The following ATG5 variants were observed in gnomAD, a reference collection of about 807,000 sequenced individuals.
ATG5 encodes autophagy protein 5.
A neutral mutation model predicts 36.5 loss-of-function variants in ATG5; 14 were observed. The observed-to-expected ratio is 0.38, with a 90% CI of 0.25 to 0.60. The LOEUF is 0.60. Ranked by LOEUF, ATG5 falls within the 20% of genes least tolerant of loss-of-function variation. ATG5 has a pLI of 0.60. For synonymous variants in ATG5, 95 were observed against 101.5 expected (o/e 0.94, Z 0.38); for missense variants, 195 against 326.7 (o/e 0.60, Z 3.11).
Position 106,316,216 on chromosome 6 carries a change from G to A in ATG5, c.-8C>T, listed in dbSNP as rs1347469468. 7 of 1,611,058 alleles carry A rather than the reference G, an allele frequency of 4.3e-6. No homozygotes were observed. Among genetic ancestry groups the A allele is most frequent in the Non-Finnish European group, 1.7e-6 (2 of 1,177,666 alleles). The stretch of plus-strand genomic sequence containing the variant: ...ATCTTTGTCATCTGTCATTCTTCCA[G>A]GAGTTAAAGCAGTACATACAGGCTA... On this transcript the variant is annotated 5_prime_UTR_variant, in exon 2 of 8. Transcript: ENST00000369076.
chr6:106,238,724 T>C (rs1377225524), intron 6 of ATG5, among the ~76,000 whole-genome samples: 3 of 152,234 alleles, frequency 2.0e-5, no homozygotes, highest in Non-Finnish European at 4.4e-5. Flanking sequence ...TTGATACCTT[T>C]GATACTGAGA....
intron 5 of ATG5, among the ~76,000 whole-genome samples, chr6:106,248,915 G>A (rs1582607999): frequency 6.6e-6 from 1 of 152,122 alleles, no homozygotes; most frequent in Non-Finnish European, 1.5e-5. Flanking sequence ...TCCAGCCTGG[G>A]CAACAAGAGC....
intron 4 of ATG5, among the ~76,000 whole-genome samples, chr6:106,286,242 C>A (rs1366615700): frequency 6.6e-6 from 1 of 152,196 alleles, no homozygotes; most frequent in Non-Finnish European, 1.5e-5. Context: ...CTCAGCTCAA[C>A]TGAACTTCTT....
chr6:106,228,660 C>T (rs962873521), intron 6 of ATG5, among the ~76,000 whole-genome samples: 1 of 152,122 alleles, frequency 6.6e-6, no homozygotes. Context: ...CACAAAGGGA[C>T]CTGAACCCGC....
At chr6:106,251,233 C>T (rs1442922545) in intron 5 of ATG5, among the ~76,000 whole-genome samples, 2 of 152,192 alleles carry the variant, frequency 1.3e-5, no homozygotes, top group African/African-American at 4.8e-5. Context: ...TTCCAGGTTG[C>T]CCTGACTGCC....
intron 5 of ATG5, among the ~76,000 whole-genome samples, chr6:106,249,596 T>C (rs892190059): frequency 1.1e-4 from 16 of 152,226 alleles, no homozygotes; most frequent in Non-Finnish European, 2.9e-5. Context: ...TTCAGTTCTC[T>C]TGGGTATGTA....
intron 3 of ATG5, among the ~76,000 whole-genome samples, chr6:106,304,958 G>A (rs2114657238): frequency 6.6e-6 from 1 of 152,214 alleles, no homozygotes; most frequent in Admixed American, 6.5e-5. Context: ...TGGCGTGGTG[G>A]CGGAAGCCTG....
intron 6 of ATG5, among the ~76,000 whole-genome samples, chr6:106,207,782 G>A (rs1776694456): frequency 6.6e-6 from 1 of 151,884 alleles, no homozygotes; most frequent in Admixed American, 6.6e-5. Context: ...AACAAAAGAT[G>A]CCAGCCAGTT....
chr6:106,255,862 TTATC>T (rs1778780294), intron 5 of ATG5, among the ~76,000 whole-genome samples: 1 of 152,322 alleles, frequency 6.6e-6, no homozygotes, highest in Admixed American at 6.5e-5. Context: ...CCAGGACTAA[TTATC>T]TAAATGTATT....
chr6:106,226,624 T>A (rs1288098049), intron 6 of ATG5, among the ~76,000 whole-genome samples: 1 of 152,202 alleles, frequency 6.6e-6, no homozygotes, highest in East Asian at 1.9e-4. Context: ...CACTACAGAT[T>A]AGTTCTGTCT....
At chr6:106,243,942 T>C (rs1383500978) in intron 6 of ATG5, among the ~76,000 whole-genome samples, 1 of 131,606 alleles carries the variant, frequency 7.6e-6, no homozygotes, top group Non-Finnish European at 1.6e-5. Context: ...AAAGATAGGG[T>C]CTGTTTCTGA....
At position 106,258,758 on chromosome 6, in the gene ATG5, G is replaced by C. The variant is rs898814084; in HGVS notation, c.479-10514C>G. On this transcript the variant is annotated intron_variant, in intron 5 of 7. Coordinates refer to ENST00000369076, the MANE Select transcript of ATG5 (RefSeq NM_004849.4). The stretch of plus-strand genomic sequence containing the variant: ...AGCCAATTCAGGATAACTTATGACT[G>C]AGATCTGGGAAACTATTAATGAATG... Among the ~76,000 whole-genome samples, 37 of 152,252 alleles carry C rather than the reference G, an allele frequency of 2.4e-4. 2 individuals carry two copies. The highest frequency in any genetic ancestry group is 2.4e-3 in the Admixed American group (37 of 15,294).
At chr6:106,233,579 T>A (rs1777773364) in intron 6 of ATG5, among the ~76,000 whole-genome samples, 1 of 152,198 alleles carries the variant, frequency 6.6e-6, no homozygotes, top group Admixed American at 6.5e-5. Flanking sequence ...ATTGATGTAG[T>A]GGCAAAGGGT....
At chr6:106,295,708 C>G (rs1236533074) in intron 3 of ATG5, among the ~76,000 whole-genome samples, 2 of 152,030 alleles carry the variant, frequency 1.3e-5, no homozygotes, top group Non-Finnish European at 2.9e-5. Context: ...GGACTACAGA[C>G]ATGTGCCACT....
At position 106,191,018 on chromosome 6, in the gene ATG5, C is replaced by T. The variant is rs541274417; in HGVS notation, c.692-4342G>A. On this transcript the variant is annotated intron_variant, in intron 7 of 7. Transcript: ENST00000369076. ...AGTTCTGGCAACAAAGGGCTCTGAG[C>T]AGGTCTCACGTCACTTTGAAGCTGT... Among the ~76,000 whole-genome samples the T allele has an allele frequency of 5.3e-5, 8 of 152,238 alleles. No individual in the cohort carries two copies. In the South Asian group the frequency reaches 1.7e-3, roughly 32 times the overall value.
intron 6 of ATG5, among the ~76,000 whole-genome samples, chr6:106,237,951 A>C (rs1432983325): frequency 6.6e-6 from 1 of 152,196 alleles, no homozygotes; most frequent in African/African-American, 2.4e-5. Flanking sequence ...ATCAATATTT[A>C]AAGTATTCTG....
At chr6:106,200,649 TTG>T (rs1454747813) in intron 7 of ATG5, among the ~76,000 whole-genome samples, 2 of 152,086 alleles carry the variant, frequency 1.3e-5, no homozygotes, top group East Asian at 3.9e-4. Context: ...CTGATTTTTT[TTG>T]TGTGTTTTTT....
intron 6 of ATG5, among the ~76,000 whole-genome samples, chr6:106,233,679 T>C (rs1349476121): frequency 1.3e-5 from 2 of 152,132 alleles, no homozygotes; most frequent in Non-Finnish European, 2.9e-5. Context: ...TGTGTAGACA[T>C]CTCATAACGT....
chr6:106,253,972 AC>A (rs1406048174), intron 5 of ATG5, among the ~76,000 whole-genome samples: 1 of 151,878 alleles, frequency 6.6e-6, no homozygotes, highest in Non-Finnish European at 1.5e-5. Flanking sequence ...GGCCCATTCC[AC>A]CCCCTTGGAA....
Sources: allele counts gnomAD v4.1 joint callset (sites outside exome capture counted in the v4.1 genomes callset), GRCh38; gene constraint gnomAD v4.1.1; transcripts MANE v1.5; gene names NCBI Gene and HGNC (gene_info 2026-07-23, HGNC 2026-07-21).